Variants in PIGR observed in about 807,000 individuals in gnomAD.
PIGR encodes the protein hepatocellular carcinoma associated protein TB6.
PIGR carries 22 observed loss-of-function variants against 69.5 expected under a neutral mutation model. The observed-to-expected ratio is 0.32, with a 90% CI of 0.23 to 0.45. PIGR has a LOEUF of 0.45. Among genes scored for constraint, PIGR ranks in the 20% least tolerant of loss-of-function variants. The pLI is 1.00. For synonymous variants in PIGR, 413 were observed against 407.6 expected, an observed-to-expected ratio of 1.01 and a Z score of -0.16; for missense variants, 885 against 974.0, an observed-to-expected ratio of 0.91 and a Z score of 1.22.
intron 1 of PIGR, among the ~76,000 whole-genome samples, chr1:206,941,002 T>C (rs1679972532): frequency 6.6e-6 from 1 of 152,166 alleles, no homozygotes; most frequent in East Asian, 1.9e-4. Context: ...GGCTGACATA[T>C]TTCACAGTGT....
intron 1 of PIGR, among the ~76,000 whole-genome samples, chr1:206,945,600 C>T (rs1680089660): frequency 6.6e-6 from 1 of 152,206 alleles, no homozygotes; most frequent in South Asian, 2.1e-4. Flanking sequence ...CGATGACACA[C>T]ATTTATGTCT....
chr1:206,931,953 TC>T, intron 8 of PIGR, 151 bp from the exon 9 acceptor site: 2 of 788,822 alleles, frequency 2.5e-6, no homozygotes, highest in Non-Finnish European at 4.2e-6. Context: ...ATGGAAATGA[TC>T]CGAGTCTCCT....
At chr1:206,944,232 T>C (rs2102605178) in intron 1 of PIGR, among the ~76,000 whole-genome samples, 1 of 152,162 alleles carries the variant, frequency 6.6e-6, no homozygotes, top group East Asian at 1.9e-4. Context: ...CCCAGCACCT[T>C]GGGAGGCTGA....
rs1432077535 is a variant in PIGR at position 206,940,558 on chromosome 1, A to C, written c.-27T>G. ...GCTGGTGGGTCCCGAGCGCCGCACCACTCAGGCCGACTTCTCCTGTGCAAT... is the reference window on the plus strand; with the variant it reads ...GCTGGTGGGTCCCGAGCGCCGCACCCCTCAGGCCGACTTCTCCTGTGCAAT... On this transcript the variant is annotated 5_prime_UTR_variant, in exon 2 of 11. Coordinates refer to ENST00000356495, the MANE Select transcript of PIGR (RefSeq NM_002644.4). 6.5e-7 allele frequency: 1 copy of C among 1,546,812 alleles called. No individual in the cohort carries two copies. The highest frequency in any genetic ancestry group is 8.7e-7 in the Non-Finnish European group (1 of 1,144,810).
Position 206,935,897 on chromosome 1 carries a change from G to T in PIGR, c.1046-79C>A. The T allele has an allele frequency of 9.2e-7, 1 of 1,089,116 alleles. No individual in the cohort carries two copies. Among genetic ancestry groups the T allele is most frequent in the Non-Finnish European group, 1.3e-6 (1 of 751,756 alleles). The allele number at this position is 1,089,116 out of a possible 1,614,324, so 67.5% of individuals were successfully genotyped here. On this transcript the variant is annotated intron_variant, in intron 4 of 10. Coordinates refer to ENST00000356495, the MANE Select transcript of PIGR (RefSeq NM_002644.4). This position sits in a 1 kb window ranked among gnomAD's most constrained non-coding sequence, Gnocchi z 4.4. The stretch of plus-strand genomic sequence containing the variant: ...GCGTGGCCTGAGAAGCCTTCTTCCC[G>T]GGGTCTCAGCCAGGATGGGGAGTGA...
chr1:206,940,350 C>T lies in PIGR; in HGVS notation c.43+139G>A, dbSNP rs918977907. The T allele has an allele frequency of 8.1e-6, 6 of 738,794 alleles. No individual in the cohort carries two copies. The African/African-American group carries it at 1.1e-4, about 13-fold the overall frequency. 45.8% of individuals were successfully genotyped at this position (738,794 alleles called of 1,614,324 possible). On this transcript the variant is annotated intron_variant, in intron 2 of 10. Transcript: ENST00000356495. ...GCCTTTCAGTGTCTTCTCTGTATGA[C>T]TCTTCCTCAAGGAAGTGCCAACTTT...
intron 10 of PIGR, 195 bp downstream of exon 10, chr1:206,931,302 T>G: frequency 6.8e-7 from 1 of 1,463,374 alleles, no homozygotes; most frequent in South Asian, 1.4e-5. Flanking sequence ...CTGGGCCTTA[T>G]CCACATCAGC....
At chr1:206,932,338 G>T in intron 8 of PIGR, 118 bp downstream of exon 8, 1 of 1,217,276 alleles carries the variant, frequency 8.2e-7, no homozygotes, top group Non-Finnish European at 1.1e-6. Flanking sequence ...GCTTTCTCGG[G>T]ATCCTTTGTT....
rs172361 is a variant in PIGR, at chr1:206,933,099, A to G, written c.1773T>C (p.Phe591=). The part of the protein sequence containing the change: ...APDEKVLDSG[F]REIENKAIQD... ...GAATGGCTTTGTTCTCAATCTCCCG[A>G]AAACCAGAGTCTAGCACCTTCTCAT... Residue 591 remains phenylalanine, a synonymous_variant, in exon 7 of 11, where the codon TTT becomes TTC. Coordinates refer to ENST00000356495, the MANE Select transcript of PIGR (RefSeq NM_002644.4). 0.067 allele frequency: 108,500 copies of G among 1,613,976 alleles called. 19,188 individuals carry two copies. The highest frequency in any genetic ancestry group is 0.65 in the African/African-American group (48,978 of 74,944).
rs1298802393 is a variant in PIGR, at chr1:206,935,405, G to A, written c.1378+81C>T. ...CTGGCCCATCAGGGTGGAGGCGGGT[G>A]AAAAAGGAGGAAGAGTGGTTGGGGA... is the stretch of plus-strand genomic sequence containing the variant. On this transcript the variant is annotated intron_variant, in intron 5 of 10. Transcript: ENST00000356495. This position sits in a 1 kb window ranked among gnomAD's most constrained non-coding sequence, Gnocchi z 4.4. The A allele has an allele frequency of 4.0e-6, 5 of 1,246,574 alleles. No individual in the cohort carries two copies. The Admixed American group carries it at 7.2e-5, about 18-fold the overall frequency. 77.2% of individuals were successfully genotyped at this position (1,246,574 alleles called of 1,614,324 possible). A position where few individuals can be genotyped will look rare whatever the true frequency, so the allele number is the denominator to read the frequency against.
In PIGR at chr1:206,929,929, T is replaced by G; in HGVS notation, c.*389A>C. On this transcript the variant is annotated 3_prime_UTR_variant, in exon 11 of 11. Transcript: ENST00000356495. ...AGAGGGGAAGGACGGGAGGGAGGGA[T>G]GGAGTGGAGGGAAAAATTCTGTTGA... 5.5e-6 allele frequency: 1 copy of G among 181,948 alleles called. No individual in the cohort carries two copies. Among genetic ancestry groups the G allele is most frequent in the Non-Finnish European group, 1.1e-5 (1 of 88,176 alleles). 11.3% of individuals were successfully genotyped at this position (181,948 alleles called of 1,614,324 possible).
intron 8 of PIGR, 118 bp downstream of exon 8, chr1:206,932,338 G>A: frequency 1.6e-6 from 2 of 1,217,282 alleles, no homozygotes; most frequent in Non-Finnish European, 2.2e-6. Flanking sequence ...GCTTTCTCGG[G>A]ATCCTTTGTT....
chr1:206,931,276 A>G, intron 10 of PIGR: 2 of 985,402 alleles, frequency 2.0e-6, no homozygotes, highest in Non-Finnish European at 2.4e-6. Context: ...GCCTAATCAT[A>G]TAGCTCACCT....
rs1204786180 is a variant in PIGR, at chr1:206,934,587, G to A, written c.1538C>T (p.Pro513Leu). The change falls in exon 6 of 11, where the codon CCC becomes CTC. Residue 513 changes from proline to leucine, a missense_variant. Physicochemically the swap from Pro to Leu is moderately conservative, Grantham distance 98. Coordinates refer to ENST00000356495, the MANE Select transcript of PIGR (RefSeq NM_002644.4). ...CQALPSQDEGPSKAFVNCDEN... is the reference protein window; with the variant it reads ...CQALPSQDEGLSKAFVNCDEN... ...GTCACAGTTCACGAAGGCCTTGCTG[G>A]GGCCTTCGTCTTGGCTGGGCAGGGC... The A allele has an allele frequency of 6.2e-7, 1 of 1,614,174 alleles. No individual in the cohort carries two copies. The highest frequency in any genetic ancestry group is 1.1e-5 in the South Asian group (1 of 91,086).
In PIGR at chr1:206,930,620, T is replaced by C. The variant is rs2102595742; in HGVS notation, c.2200-207A>G. On this transcript the variant is annotated intron_variant, in intron 10 of 10. Transcript: ENST00000356495. This position sits in a 1 kb window ranked among gnomAD's most constrained non-coding sequence, Gnocchi z 4.3. ...AAAGTTGCAGCCTCTAAAAATATCTTCTTCTGTCTCACTACCTCCTTCTGA... is the reference window on the plus strand; with the variant it reads ...AAAGTTGCAGCCTCTAAAAATATCTCCTTCTGTCTCACTACCTCCTTCTGA... 2 of 985,342 alleles carry C rather than the reference T, an allele frequency of 2.0e-6. No individual in the cohort carries two copies. The highest frequency in any genetic ancestry group is 2.4e-6 in the Non-Finnish European group (2 of 829,920). 61.0% of individuals were successfully genotyped at this position (985,342 alleles called of 1,614,324 possible). A position where few individuals can be genotyped will look rare whatever the true frequency, so the allele number is the denominator to read the frequency against.
chr1:206,935,867 G>A lies in PIGR; in HGVS notation c.1046-49C>T. Reference sequence around the variant, plus strand: ...ATGGGAGGATGGCCACGCAGGAAGAGCCTTGCGTGGCCTGAGAAGCCTTCT... The same window carrying A: ...ATGGGAGGATGGCCACGCAGGAAGAACCTTGCGTGGCCTGAGAAGCCTTCT... On this transcript the variant is annotated intron_variant, in intron 4 of 10. Transcript: ENST00000356495. The surrounding 1 kb of genome is among the most constrained non-coding windows in gnomAD (Gnocchi z 4.4). 7.2e-7 allele frequency: 1 copy of A among 1,385,404 alleles called. No homozygotes were observed. The highest frequency in any genetic ancestry group is 1.4e-5 in the South Asian group (1 of 73,504). The allele number at this position is 1,385,404 out of a possible 1,614,324, so 85.8% of individuals were successfully genotyped here.
Position 206,937,544 on chromosome 1 carries a change from C to T in PIGR, c.596G>A (p.Gly199Asp). Residue 199 changes from glycine to aspartate, a missense_variant, in exon 4 of 11, where the codon GGC becomes GAC. Transcript: ENST00000356495. Reference protein sequence around the residue: ...GRIRLDIQGTGQLLFSVVINQ... With the variant: ...GRIRLDIQGTDQLLFSVVINQ... ...GATGACAACGCTGAACAGTAACTGG[C>T]CAGTACCCTGAATATCAAGGCGTAT... The T allele has an allele frequency of 6.2e-7, 1 of 1,614,170 alleles. No individual in the cohort carries two copies. Among genetic ancestry groups the T allele is most frequent in the Non-Finnish European group, 8.5e-7 (1 of 1,180,012 alleles).
In PIGR at chr1:206,939,353, G is replaced by A. The variant is rs770649396; in HGVS notation, c.154C>T (p.Arg52Trp). The A allele has an allele frequency of 1.2e-6, 2 of 1,614,216 alleles. No individual in the cohort carries two copies. Among genetic ancestry groups the A allele is most frequent in the Non-Finnish European group, 1.7e-6 (2 of 1,180,024 alleles). The change falls in exon 3 of 11, where the codon CGG (arginine) becomes TGG (tryptophan). Residue 52 changes from arginine (R) to tryptophan (W), a missense_variant. Coordinates refer to ENST00000356495, the MANE Select transcript of PIGR (RefSeq NM_002644.4). ...GCTCCCTGCCGGCACCAGTACTTCC[G>A]GGTGTGCCGGTTGACAGAGGTGGGT... is the stretch of plus-strand genomic sequence containing the variant. The part of the protein sequence containing the change: ...YPPTSVNRHT[R>W]KYWCRQGARG...
rs765519636 is a variant in PIGR, at chr1:206,930,298, G to A, written c.*20C>T. ...CTGAAGGTGATTGTCATGGGTGCAG[G>A]GAGCAGGCGGCGACACCGTCTAGGC... On this transcript the variant is annotated 3_prime_UTR_variant, in exon 11 of 11. Coordinates refer to ENST00000356495, the MANE Select transcript of PIGR (RefSeq NM_002644.4). The surrounding 1 kb of genome is among the most constrained non-coding windows in gnomAD (Gnocchi z 4.3). 17 of 1,601,816 alleles carry A rather than the reference G, an allele frequency of 1.1e-5. 1 individual carries two copies. In the South Asian group the frequency reaches 1.8e-4, roughly 17 times the overall value.
Sources: gnomAD v4.1 joint callset for allele counts (sites outside exome capture counted in the v4.1 genomes callset) on GRCh38, gnomAD v4.1.1 for gene constraint, Gnocchi (gnomAD v3.1) non-coding constraint, MANE v1.5 for transcripts, NCBI Gene and HGNC (gene_info 2026-07-23, HGNC 2026-07-21) for gene names.